SUCO: variants seen among roughly 807,000 people sequenced by gnomAD.
SUCO encodes SUN domain containing ossification factor, also known as SUN domain-containing ossification factor.
A neutral mutation model predicts 148.1 loss-of-function variants in SUCO; 57 were observed. The ratio of observed to expected loss-of-function variants is 0.38; its 90% CI spans 0.31 to 0.48. The LOEUF is 0.48. Among genes scored for constraint, SUCO ranks in the 20% least tolerant of loss-of-function variants. The pLI, the probability that SUCO is intolerant of heterozygous loss-of-function variation, is 0.96. For missense variants in SUCO, 1,331 were observed against 1,468.2 expected, an observed-to-expected ratio of 0.91 and a Z score of 1.53; for synonymous variants, 470 against 502.7, an observed-to-expected ratio of 0.93 and a Z score of 0.87.
intron 1 of SUCO, chr1:172,542,662 C>A: frequency 1.1e-6 from 1 of 897,156 alleles, no homozygotes; most frequent in Non-Finnish European, 1.3e-6. Flanking sequence ...CCACCCCATC[C>A]ATGGCAAAGT....
chr1:172,577,606 A>G (rs376391612), intron 12 of SUCO, 47 bp downstream of exon 12: 13 of 1,600,890 alleles, frequency 8.1e-6, no homozygotes, highest in Non-Finnish European at 1.1e-5. Flanking sequence ...GGCATGGCGT[A>G]TTAATGCATT....
intron 19 of SUCO, among the ~76,000 whole-genome samples, chr1:172,597,056 C>T (rs552407739): frequency 6.6e-5 from 10 of 152,220 alleles, no homozygotes; most frequent in African/African-American, 1.4e-4. Context: ...TAGCAGTGAG[C>T]GAGGCTCCGT....
chr1:172,553,618 G>A (rs1202835906), intron 3 of SUCO, among the ~76,000 whole-genome samples: 4 of 151,904 alleles, frequency 2.6e-5, no homozygotes, highest in African/African-American at 4.8e-5. Context: ...TTTCTTCCTC[G>A]GTTCTATTTT....
chr1:172,572,073 G>T (rs535219837), intron 9 of SUCO, among the ~76,000 whole-genome samples: 1 of 65,760 alleles, frequency 1.5e-5, no homozygotes, highest in Admixed American at 1.3e-4. Flanking sequence ...GTCCGGGAGG[G>T]AGGTGGGGGG....
chr1:172,589,981 T>G, intron 18 of SUCO, 55 bp downstream of exon 18: 1 of 1,392,868 alleles, frequency 7.2e-7, no homozygotes, highest in Non-Finnish European at 9.6e-7. Flanking sequence ...TTAAGCAGCA[T>G]AGAGTATGAC....
At chr1:172,564,510 T>C (rs1654418002) in intron 6 of SUCO, among the ~76,000 whole-genome samples, 1 of 152,174 alleles carries the variant, frequency 6.6e-6, no homozygotes, top group South Asian at 2.1e-4. Flanking sequence ...AAAAGGTGCT[T>C]GCTTCCCCTT....
At chr1:172,586,678 T>G (rs1043893022) in intron 17 of SUCO, among the ~76,000 whole-genome samples, 38 of 152,144 alleles carry the variant, frequency 2.5e-4, no homozygotes, top group African/African-American at 8.2e-4. Flanking sequence ...AGAACAACTC[T>G]ACTTAAAGAG....
intron 19 of SUCO, among the ~76,000 whole-genome samples, chr1:172,598,632 G>A (rs892216841): frequency 1.1e-4 from 16 of 152,172 alleles, no homozygotes; most frequent in South Asian, 4.1e-4. Context: ...TCTCTTTGCT[G>A]ATATGTAGCA....
At chr1:172,576,130 G>A (rs1455766412) in intron 11 of SUCO, among the ~76,000 whole-genome samples, 3 of 151,750 alleles carry the variant, frequency 2.0e-5, no homozygotes, top group Admixed American at 6.6e-5. Context: ...TTAAACACTG[G>A]TGTTTTATAT....
Position 172,611,774 on chromosome 1 carries a change from G to A in SUCO, c.*1515G>A, listed in dbSNP as rs1459344926. On this transcript the variant is annotated 3_prime_UTR_variant, in exon 24 of 24. Transcript: ENST00000263688. ...AGAATTTTCAATATGTAACTACGGAGCTGTAGTGCCATTAGAAACTGTGAA... is the reference window on the plus strand; with the variant it reads ...AGAATTTTCAATATGTAACTACGGAACTGTAGTGCCATTAGAAACTGTGAA... The A allele has an allele frequency of 6.6e-6, 1 of 152,626 alleles. No homozygotes were observed. Among genetic ancestry groups the A allele is most frequent in the East Asian group, 1.9e-4 (1 of 5,196 alleles). The allele number at this position is 152,626 out of a possible 1,614,324, so 9.5% of individuals were successfully genotyped here.
intron 9 of SUCO, among the ~76,000 whole-genome samples, chr1:172,570,995 C>T (rs567749662): frequency 7.2e-5 from 11 of 152,238 alleles, no homozygotes; most frequent in African/African-American, 2.6e-4. Context: ...AGTGATGATG[C>T]GTAACTGCAA....
At chr1:172,591,444 A>G (rs7538218) in intron 19 of SUCO, among the ~76,000 whole-genome samples, 5,811 of 74,452 alleles carry the variant, frequency 0.078, 472 homozygotes, top group African/African-American at 0.25. Flanking sequence ...CCCACCCCAC[A>G]ACAGGCCCTG....
At chr1:172,549,862 T>A (rs146754556) in intron 1 of SUCO, among the ~76,000 whole-genome samples, 7 of 140,920 alleles carry the variant, frequency 5.0e-5, no homozygotes, top group Admixed American at 1.4e-4. Flanking sequence ...CTTGTCACCA[T>A]ACATTCAAGT....
rs765607840 is a variant in SUCO, at chr1:172,600,071, G to T, written c.2921G>T (p.Arg974Leu). 6 of 1,599,818 alleles carry T rather than the reference G, an allele frequency of 3.8e-6. No individual in the cohort carries two copies. The East Asian group carries it at 1.4e-4, about 36-fold the overall frequency. ...TAAATTCCTTTATCATAGGATCAGCGGCAAACTGAAGCCATCCAGTTGCTA... is the reference window on the plus strand; with the variant it reads ...TAAATTCCTTTATCATAGGATCAGCTGCAAACTGAAGCCATCCAGTTGCTA... ...TSRIAEEQDQ[R>L]QTEAIQLLQA... The change falls in exon 20 of 24, where the codon CGG becomes CTG. Residue 974 changes from arginine (R) to leucine (L), a missense_variant. Arg to Leu is a moderately radical substitution (Grantham distance 102). Transcript: ENST00000263688.
At chr1:172,534,760 G>A (rs1651888668) in intron 1 of SUCO, among the ~76,000 whole-genome samples, 1 of 152,138 alleles carries the variant, frequency 6.6e-6, no homozygotes, top group Non-Finnish European at 1.5e-5. Context: ...TAAATTTGTA[G>A]ATACTGAAGC....
chr1:172,562,251 G>A (rs1211490332), intron 6 of SUCO, among the ~76,000 whole-genome samples: 1 of 149,132 alleles, frequency 6.7e-6, no homozygotes, highest in Non-Finnish European at 1.5e-5. Flanking sequence ...GCTTTCAAAA[G>A]AATAGATTAC....
chr1:172,609,394 CG>C, intron 23 of SUCO: 3 of 957,282 alleles, frequency 3.1e-6, no homozygotes, highest in Non-Finnish European at 2.5e-6. Context: ...ATTCTCAACC[CG>C]GCTGCTTACT....
chr1:172,577,477 T>C (rs1655532103), intron 11 of SUCO, 62 bp from the exon 12 acceptor site: 2 of 1,480,130 alleles, frequency 1.4e-6, no homozygotes, highest in Admixed American at 3.5e-5. Context: ...TTAAAGATGC[T>C]TATTGCATGA....
chr1:172,602,546 T>C lies in SUCO; in HGVS notation c.3174-150T>C. 1.4e-6 allele frequency: 2 copies of C among 1,427,392 alleles called. 1 individual carries two copies. Among genetic ancestry groups the C allele is most frequent in the South Asian group, 3.3e-5 (2 of 60,488 alleles). The allele number at this position is 1,427,392 out of a possible 1,614,324, so 88.4% of individuals were successfully genotyped here. ...TTAGACAAAGATCTCTAAATTTTTT[T>C]TTCCACCTGTATTAGCAATAACTGG... is the stretch of plus-strand genomic sequence containing the variant. On this transcript the variant is annotated intron_variant, in intron 21 of 23. Transcript: ENST00000263688.
Sources: gnomAD v4.1 joint callset for allele counts (sites outside exome capture counted in the v4.1 genomes callset) on GRCh38, gnomAD v4.1.1 for gene constraint, MANE v1.5 for transcripts, NCBI Gene and HGNC (gene_info 2026-07-23, HGNC 2026-07-21) for gene names.